DRP2: variants seen among roughly 807,000 people sequenced by gnomAD.
The protein encoded by DRP2 is dystrophin related protein 2.
In DRP2, 29 loss-of-function variants were observed where a neutral mutation model predicts 78.2. The observed-to-expected ratio is 0.37, with a 90% confidence interval of 0.28 to 0.51. DRP2 has a LOEUF of 0.51. DRP2 is among the 20% of genes least tolerant of loss of function. The pLI, the probability that DRP2 is intolerant of heterozygous loss-of-function variation, is 0.94. For synonymous variants in DRP2, 290 were observed against 281.9 expected, an observed-to-expected ratio of 1.03 and a Z score of -0.29; for missense variants, 686 against 770.6, an observed-to-expected ratio of 0.89 and a Z score of 1.30.
In DRP2 at chrX:101,256,190, T is replaced by G. The variant is rs763306087; in HGVS notation, c.2319T>G (p.Ala773=). 1 of 1,208,063 alleles carries G rather than the reference T, an allele frequency of 8.3e-7. No homozygotes were observed. The highest frequency in any genetic ancestry group is 1.1e-6 in the Non-Finnish European group (1 of 893,995). ...TDREPAFGQQ[A]PCSVATESKG... is the part of the protein sequence containing the mutation. ...GGGAGCCAGCCTTTGGACAGCAGGC[T>G]CCATGCAGTGTGGCCACAGAAAGCA... Residue 773 remains alanine, a synonymous_variant, in exon 21 of 24, where the codon GCT becomes GCG. Transcript: ENST00000395209.
chrX:101,243,570 A>G (rs969209037), intron 9 of DRP2, among the ~76,000 whole-genome samples: 5 of 111,070 alleles, frequency 4.5e-5, no homozygotes, highest in African/African-American at 1.6e-4. Flanking sequence ...TCATCAGGTT[A>G]TGGGAATTAA....
At chrX:101,254,663 G>T (rs1369200463) in intron 18 of DRP2, 102 bp downstream of exon 18, 1 of 1,139,009 alleles carries the variant, frequency 8.8e-7, no homozygotes, top group East Asian at 3.0e-5. Flanking sequence ...AATGTTCCAA[G>T]GTAAATCCCA....
intron 15 of DRP2, 83 bp downstream of exon 15, chrX:101,250,663 C>A: frequency 9.0e-7 from 1 of 1,105,911 alleles, no homozygotes; most frequent in Non-Finnish European, 1.2e-6. Flanking sequence ...ACGAGCTAGG[C>A]TTTTGATCTG....
At chrX:101,258,986 T>C (rs1923452048) in intron 22 of DRP2, among the ~76,000 whole-genome samples, 1 of 112,182 alleles carries the variant, frequency 8.9e-6, no homozygotes, top group Non-Finnish European at 1.9e-5. Context: ...AAGGTGTTTC[T>C]TGTTACTTTT....
intron 3 of DRP2, among the ~76,000 whole-genome samples, chrX:101,233,845 G>T (rs1335181227): frequency 8.9e-6 from 1 of 111,825 alleles, no homozygotes; most frequent in Non-Finnish European, 1.9e-5. Flanking sequence ...AAAATTCAAC[G>T]GGATGCCCAC....
chrX:101,231,455 T>C, intron 2 of DRP2, 130 bp from the exon 3 acceptor site: 2 of 489,247 alleles, frequency 4.1e-6, no homozygotes, highest in Non-Finnish European at 7.3e-6. Flanking sequence ...TTATGGTACA[T>C]GGTGGCCTGG....
At position 101,260,749 on chromosome X, in the gene DRP2, C is replaced by A; in HGVS notation, c.*128C>A. 1 of 908,747 alleles carries A rather than the reference C, an allele frequency of 1.1e-6. No individual in the cohort carries two copies. The highest frequency in any genetic ancestry group is 1.5e-6 in the Non-Finnish European group (1 of 667,693). 74.9% of individuals were successfully genotyped at this position (908,747 alleles called of 1,213,427 possible). On this transcript the variant is annotated 3_prime_UTR_variant, in exon 24 of 24. Coordinates refer to ENST00000395209, the MANE Select transcript of DRP2 (RefSeq NM_001939.3). ...TTCCTCAACTAGTATTATTTGGGCT[C>A]TGGGCAGCAGCAGGGATCTGGTGGT...
intron 11 of DRP2, among the ~76,000 whole-genome samples, chrX:101,246,677 G>A (rs575216843): frequency 8.9e-6 from 1 of 112,325 alleles, no homozygotes; most frequent in East Asian, 2.8e-4. Context: ...CTTAGCAAGA[G>A]TCATAGTTGA....
At chrX:101,223,135 C>T (rs1243133876) in intron 1 of DRP2, among the ~76,000 whole-genome samples, 3 of 110,600 alleles carry the variant, frequency 2.7e-5, no homozygotes, top group Non-Finnish European at 3.8e-5. Flanking sequence ...TCCAGCCTCA[C>T]CACCCCCCAG....
chrX:101,220,286 C>CGTGTGTGTGTGT (rs758659890), intron 1 of DRP2, 140 bp downstream of exon 1: 2 of 87,845 alleles, frequency 2.3e-5, no homozygotes, highest in Non-Finnish European at 4.2e-5. Flanking sequence ...TGTGTGTGTG[C>CGTGTGTGTGTGT]GTGTGTGTGT....
At position 101,260,782 on chromosome X, in the gene DRP2, G is replaced by A; in HGVS notation, c.*161G>A. On this transcript the variant is annotated 3_prime_UTR_variant, in exon 24 of 24. Coordinates refer to ENST00000395209, the MANE Select transcript of DRP2 (RefSeq NM_001939.3). The stretch of plus-strand genomic sequence containing the variant: ...CAGCAGGGATCTGGTGGTATGTGAG[G>A]TGCATGCGGGCAGTGATGGGAGAAG... The A allele has an allele frequency of 1.6e-6, 1 of 610,161 alleles. No homozygotes were observed. Among genetic ancestry groups the A allele is most frequent in the Non-Finnish European group, 2.4e-6 (1 of 417,214 alleles). 50.3% of individuals were successfully genotyped at this position (610,161 alleles called of 1,213,427 possible).
At chrX:101,222,500 C>G (rs1027904831) in intron 1 of DRP2, among the ~76,000 whole-genome samples, 2 of 111,892 alleles carry the variant, frequency 1.8e-5, no homozygotes, top group Non-Finnish European at 3.8e-5. Flanking sequence ...CCCCAGCCCA[C>G]TGTACCCAAC....
At chrX:101,249,083 C>T (rs1381163405) in intron 14 of DRP2, among the ~76,000 whole-genome samples, 1 of 111,851 alleles carries the variant, frequency 8.9e-6, no homozygotes. Flanking sequence ...TTTGTGTTCC[C>T]CTCTGTCCTC....
rs1232837279 is a variant in DRP2 at position 101,263,707 on chromosome X, C to A, written c.*3086C>A. On this transcript the variant is annotated 3_prime_UTR_variant, in exon 24 of 24. Coordinates refer to ENST00000395209, the MANE Select transcript of DRP2 (RefSeq NM_001939.3). ...TTCAAGTGCTCATTTTCTTCAAGGT[C>A]CAAGGTTGGGAACTATTTCCCTACA... is the stretch of plus-strand genomic sequence containing the variant. 2 of 111,690 alleles carry A rather than the reference C, an allele frequency of 1.8e-5. No individual in the cohort carries two copies. The highest frequency in any genetic ancestry group is 3.8e-5 in the Non-Finnish European group (2 of 53,122). 9.2% of individuals were successfully genotyped at this position (111,690 alleles called of 1,213,427 possible).
Position 101,241,869 on chromosome X carries a change from G to A in DRP2, c.761G>A (p.Arg254Gln), listed in dbSNP as rs765402344. ...ACTCTGAGCCAAGCTGAGGGAGTCC[G>A]AGCCACTTGGGAGCCCATTGGGGAT... ...STTLSQAEGV[R>Q]ATWEPIGDLF... Residue 254 changes from arginine to glutamine, a missense_variant, in exon 7 of 24, where the codon CGA (arginine) becomes CAA (glutamine). This residue lies in a region of DRP2 where 263 missense variants were observed against 239.1 expected (regional missense o/e 1.10). Coordinates refer to ENST00000395209, the MANE Select transcript of DRP2 (RefSeq NM_001939.3). 12 of 1,181,419 alleles carry A rather than the reference G, an allele frequency of 1.0e-5. No individual in the cohort carries two copies. Among genetic ancestry groups the A allele is most frequent in the East Asian group, 9.4e-5 (3 of 31,792 alleles).
chrX:101,248,085 C>T lies in DRP2; in HGVS notation c.1253-4C>T. ...TTTTTTCTCTTCTCTTCTTTCCTTA[C>T]CAGTGGACCTGGTAACTTTAACCAC... On this transcript the variant is annotated splice_polypyrimidine_tract_variant and splice_region_variant and intron_variant, in intron 12 of 23. Coordinates refer to ENST00000395209, the MANE Select transcript of DRP2 (RefSeq NM_001939.3). The T allele has an allele frequency of 1.7e-6, 2 of 1,209,082 alleles. No individual in the cohort carries two copies. The highest frequency in any genetic ancestry group is 1.1e-6 in the Non-Finnish European group (1 of 893,389).
intron 1 of DRP2, among the ~76,000 whole-genome samples, chrX:101,224,181 G>GTTTTTTTTTTCTTTTTTTTTT (rs1379202759): frequency 2.1e-5 from 1 of 47,654 alleles, no homozygotes; most frequent in Non-Finnish European, 3.7e-5. Flanking sequence ...ATGTTTGCTG[G>GTTTTTTTTTTCTTTTTTTTTT]GTTTTTTTTG....
At position 101,248,592 on chromosome X, in the gene DRP2, A is replaced by G. The variant is rs201649915; in HGVS notation, c.1533A>G (p.Lys511=). The stretch of plus-strand genomic sequence containing the variant: ...TGTGTGGCACGGAAGTGAAGGAAAA[A>G]CTTCAGTGTGAGTAGAACTCCAAAG... ...ACLCGTEVKE[K]LQYLFSQVAN... Residue 511 remains lysine (K), a synonymous_variant, in exon 14 of 24, where the codon AAA becomes AAG. Coordinates refer to ENST00000395209, the MANE Select transcript of DRP2 (RefSeq NM_001939.3). 771 of 1,208,905 alleles carry G rather than the reference A, an allele frequency of 6.4e-4. No individual in the cohort carries two copies. Among genetic ancestry groups the G allele is most frequent in the Admixed American group, 1.3e-3 (58 of 45,860 alleles).
At chrX:101,242,531 G>T (rs185337852) in intron 8 of DRP2, 60 bp downstream of exon 8, 1 of 1,154,156 alleles carries the variant, frequency 8.7e-7, no homozygotes, top group East Asian at 3.0e-5. Context: ...AGGCTTGGGG[G>T]AAACTTCTTC....
Sources: allele counts gnomAD v4.1 joint callset (sites outside exome capture counted in the v4.1 genomes callset), GRCh38; gene constraint gnomAD v4.1.1; regional missense constraint gnomAD v4.1.1; transcripts MANE v1.5; gene names NCBI Gene and HGNC (gene_info 2026-07-23, HGNC 2026-07-21).